The following KCNIP1 variants were observed in gnomAD, a reference collection of about 807,000 sequenced individuals.
KCNIP1 encodes the protein potassium voltage-gated channel interacting protein 1, also known as A-type potassium channel modulatory protein KCNIP1.
In KCNIP1, 18 loss-of-function variants were observed where a neutral mutation model predicts 33.0. That is an observed-to-expected ratio of 0.55 (90% CI 0.38 to 0.81). The LOEUF (loss-of-function observed/expected upper bound fraction) is 0.81. Among genes scored for constraint, KCNIP1 ranks in the 30% least tolerant of loss-of-function variants. The pLI is 0.00. For synonymous variants in KCNIP1, 93 were observed against 98.3 expected, an observed-to-expected ratio of 0.95 and a Z score of 0.32; for missense variants, 238 against 271.6, an observed-to-expected ratio of 0.88 and a Z score of 0.87.
chr5:170,550,048 G>A lies in KCNIP1; in HGVS notation c.61+45415G>A, dbSNP rs542371515. ...GAGCTTGTAGGAGCATTGGACTGTC[G>A]TGGAGGCATTAAGAAAGAAGTAGCA... On this transcript the variant is annotated intron_variant, in intron 1 of 7. Transcript: ENST00000328939. Among the ~76,000 whole-genome samples, 26 of 152,244 alleles carry A rather than the reference G, an allele frequency of 1.7e-4. No individual in the cohort carries two copies. In the South Asian group the frequency reaches 3.7e-3, roughly 22 times the overall value.
chr5:170,485,598 C>T (rs908236041), intron 1 of KCNIP1, among the ~76,000 whole-genome samples: 1 of 152,210 alleles, frequency 6.6e-6, no homozygotes, highest in East Asian at 1.9e-4. Flanking sequence ...TCTGAGTCTC[C>T]ACCAGGCCCA....
At chr5:170,367,349 A>AAAAGAAAGAAAGAAAGAAAGAAAGAAAG (rs57303478) in intron 1 of KCNIP1, among the ~76,000 whole-genome samples, 2 of 76,890 alleles carry the variant, frequency 2.6e-5, no homozygotes, top group Non-Finnish European at 4.9e-5. Flanking sequence ...GAAGGAAAGA[A>AAAAGAAAGAAAGAAAGAAAGAAAGAAAG]AAAGAAAGAA....
At chr5:170,731,107 A>G (rs1764178196) in intron 5 of KCNIP1, among the ~76,000 whole-genome samples, 1 of 152,214 alleles carries the variant, frequency 6.6e-6, no homozygotes, top group African/African-American at 2.4e-5. Context: ...ACACTACAGT[A>G]ATAATTTTTG....
intron 1 of KCNIP1, among the ~76,000 whole-genome samples, chr5:170,699,921 G>T (rs1205467780): frequency 6.6e-6 from 1 of 152,182 alleles, no homozygotes; most frequent in Non-Finnish European, 1.5e-5. Flanking sequence ...CCAGCAAACG[G>T]GAGGGACCAA....
At position 170,680,487 on chromosome 5, in the gene KCNIP1, A is replaced by G. The variant is rs537814610; in HGVS notation, c.62-38271A>G. The G allele has an allele frequency of 2.6e-5, 4 of 152,332 alleles. No individual in the cohort carries two copies. In the East Asian group the frequency reaches 7.7e-4, roughly 29 times the overall value. The allele number at this position is 152,332 out of a possible 1,614,324, so 9.4% of individuals were successfully genotyped here. ...ATAAAACCTTCCCAAAGACAAATAT[A>G]ACTGAGACGCACTCCAGCTTACCAT... On this transcript the variant is annotated intron_variant, in intron 1 of 7. Transcript: ENST00000328939.
intron 1 of KCNIP1, among the ~76,000 whole-genome samples, chr5:170,372,584 A>G (rs1763874507): frequency 6.6e-6 from 1 of 152,130 alleles, no homozygotes; most frequent in Admixed American, 6.5e-5. Flanking sequence ...CTCACTGGAA[A>G]AAAGACACTC....
In KCNIP1 at chr5:170,565,346, C is replaced by T. The variant is rs114160889; in HGVS notation, c.61+60713C>T. Among the ~76,000 whole-genome samples, 1,142 of 152,268 alleles carry T rather than the reference C, an allele frequency of 7.5e-3. 12 individuals carry two copies. Among genetic ancestry groups the T allele is most frequent in the African/African-American group, 0.024 (1,016 of 41,536 alleles). On this transcript the variant is annotated intron_variant, in intron 1 of 7. Coordinates refer to ENST00000328939, the MANE Select transcript of KCNIP1 (RefSeq NM_014592.4). ...CACCATGGATGTGACTTGCACCTCC[C>T]GTGTTGCTTTAACCAATAATCAAAT...
At chr5:170,379,747 G>A (rs1377570261) in intron 1 of KCNIP1, among the ~76,000 whole-genome samples, 1 of 152,104 alleles carries the variant, frequency 6.6e-6, no homozygotes, top group African/African-American at 2.4e-5. Context: ...CCAGGAGTTC[G>A]AGACTAGCCT....
chr5:170,610,934 T>C lies in KCNIP1; in HGVS notation c.61+106301T>C, dbSNP rs547781247. ...AGTATGTGCGGGGTTCTTTCACTTA[T>C]ATCATTTGCCTTTAAACAGCTCTGC... On this transcript the variant is annotated intron_variant, in intron 1 of 7. Coordinates refer to ENST00000328939, the MANE Select transcript of KCNIP1 (RefSeq NM_014592.4). Among the ~76,000 whole-genome samples the C allele has an allele frequency of 1.3e-3, 197 of 152,328 alleles. 3 individuals are homozygous for C. Among genetic ancestry groups the C allele is most frequent in the Non-Finnish European group, 3.8e-4 (26 of 68,030 alleles).
Position 170,530,912 on chromosome 5 carries a change from C to T in KCNIP1, c.61+26279C>T, listed in dbSNP as rs371751914. The stretch of plus-strand genomic sequence containing the variant: ...GAGCAGTGGAGATAGTGGGGTCTTT[C>T]CTGCAGAGGCCTCCATGGTAGGGCT... On this transcript the variant is annotated intron_variant, in intron 1 of 7. Coordinates refer to ENST00000328939, the MANE Select transcript of KCNIP1 (RefSeq NM_014592.4). Among the ~76,000 whole-genome samples the T allele has an allele frequency of 2.1e-4, 32 of 152,234 alleles. No individual in the cohort carries two copies. In the South Asian group the frequency reaches 3.5e-3, roughly 17 times the overall value.
At chr5:170,399,297 C>T (rs938309130) in intron 1 of KCNIP1, among the ~76,000 whole-genome samples, 1 of 152,162 alleles carries the variant, frequency 6.6e-6, no homozygotes, top group Non-Finnish European at 1.5e-5. Flanking sequence ...TGGTGGTCAG[C>T]TTAGAATTTG....
chr5:170,534,467 G>A (rs557072189), intron 1 of KCNIP1, among the ~76,000 whole-genome samples: 20 of 126,850 alleles, frequency 1.6e-4, no homozygotes, highest in African/African-American at 8.1e-4. Context: ...AGAGGGAGAG[G>A]GAGAAGGAGG....
intron 1 of KCNIP1, among the ~76,000 whole-genome samples, chr5:170,482,061 G>T (rs376136290): frequency 6.6e-6 from 1 of 152,184 alleles, no homozygotes; most frequent in Non-Finnish European, 1.5e-5. Flanking sequence ...CTGTGGTTAC[G>T]GGATGCTTTG....
chr5:170,377,988 C>T (rs1014823722), intron 1 of KCNIP1: 2 of 152,138 alleles, frequency 1.3e-5, no homozygotes, highest in African/African-American at 2.4e-5. Flanking sequence ...TTCAACTTTT[C>T]CAAAATGGCA....
At chr5:170,680,227 G>A (rs150758551) in intron 1 of KCNIP1, among the ~76,000 whole-genome samples, 11 of 152,266 alleles carry the variant, frequency 7.2e-5, no homozygotes, top group African/African-American at 2.6e-4. Context: ...CTCTAAGAGT[G>A]CAATCTTCCC....
chr5:170,723,739 G>C (rs1039303288), intron 5 of KCNIP1, among the ~76,000 whole-genome samples: 1 of 152,084 alleles, frequency 6.6e-6, no homozygotes, highest in Non-Finnish European at 1.5e-5. Context: ...ACAATAAACA[G>C]GCCAAAAAGG....
rs940111155 is a variant in KCNIP1 at position 170,440,267 on chromosome 5, A to G, written c.88+86303A>G. 9.2e-5 allele frequency among the ~76,000 whole-genome samples: 14 copies of G among 152,332 alleles called. 1 individual carries two copies. The South Asian group carries it at 2.9e-3, about 32-fold the overall frequency. On this transcript the variant is annotated intron_variant, in intron 1 of 7. Transcript: ENST00000377360. ...AAATGAATTTTTGTTTAAGCCGCCC[A>G]GTCTGTGGCACCTTATTATATCAGC...
chr5:170,590,070 T>C (rs1758189017), intron 1 of KCNIP1, among the ~76,000 whole-genome samples: 1 of 152,166 alleles, frequency 6.6e-6, no homozygotes, highest in African/African-American at 2.4e-5. Context: ...GCAGAGTGCC[T>C]GGCCTGGAGC....
At chr5:170,704,459 G>T (rs1182391773) in intron 1 of KCNIP1, among the ~76,000 whole-genome samples, 2 of 107,276 alleles carry the variant, frequency 1.9e-5, no homozygotes, top group East Asian at 3.9e-4. Flanking sequence ...ACCTCACAGG[G>T]GTTAAGCAAT....
Sources: gnomAD v4.1 joint callset for allele counts (sites outside exome capture counted in the v4.1 genomes callset) on GRCh38, gnomAD v4.1.1 for gene constraint, MANE v1.5 for transcripts, NCBI Gene and HGNC (gene_info 2026-07-23, HGNC 2026-07-21) for gene names.